MYO18A: variants seen among roughly 807,000 people sequenced by gnomAD.
MYO18A encodes the protein myosin XVIIIA.
Under a neutral mutation model 235.8 loss-of-function variants are expected in MYO18A, and 78 were observed. The ratio of observed to expected loss-of-function variants is 0.33; its 90% CI spans 0.28 to 0.40. The LOEUF (loss-of-function observed/expected upper bound fraction) is 0.40, where lower values mean the gene tolerates loss of function less well. MYO18A is among the 10% of genes least tolerant of loss of function. The pLI, the probability that MYO18A is intolerant of heterozygous loss-of-function variation, is 1.00. For missense variants in MYO18A, 2,215 were observed against 2,699.3 expected, an observed-to-expected ratio of 0.82 and a Z score of 3.98; for synonymous variants, 977 against 1,077.8, an observed-to-expected ratio of 0.91 and a Z score of 1.83.
Position 29,117,111 on chromosome 17 carries a change from G to A in MYO18A, c.2039-656C>T, listed in dbSNP as rs1250780005. 6.6e-6 allele frequency among the ~76,000 whole-genome samples: 1 copy of A among 152,074 alleles called. No individual in the cohort carries two copies. The highest frequency in any genetic ancestry group is 2.4e-5 in the African/African-American group (1 of 41,420). On this transcript the variant is annotated intron_variant, in intron 10 of 41. Coordinates refer to ENST00000527372, the MANE Select transcript of MYO18A (RefSeq NM_078471.4). This position sits in a 1 kb window ranked among gnomAD's most constrained non-coding sequence, Gnocchi z 4.6. ...GCCTGGGGCCCTTCACATCCCAGAA[G>A]GGGCCAAAGCCAAAGCCCAAGGTGC...
chr17:29,097,681 G>T lies in MYO18A; in HGVS notation c.4102+107C>A, dbSNP rs762868833. 8.2e-4 allele frequency: 779 copies of T among 946,800 alleles called. 2 individuals are homozygous for T. Among genetic ancestry groups the T allele is most frequent in the Middle Eastern group, 2.5e-3 (11 of 4,460 alleles). 58.6% of individuals were successfully genotyped at this position (946,800 alleles called of 1,614,324 possible). A position where few individuals can be genotyped will look rare whatever the true frequency, so the allele number is the denominator to read the frequency against. On this transcript the variant is annotated intron_variant, in intron 26 of 41. Transcript: ENST00000527372. ...CTTCTCATCTGTTTCTTTCAGTTTA[G>T]CCCCATGGAGGGGAGACAGGCCTGG... is the stretch of plus-strand genomic sequence containing the variant.
chr17:29,094,589 C>T (rs1210473571), intron 30 of MYO18A, 61 bp downstream of exon 30: 1 of 1,554,826 alleles, frequency 6.4e-7, no homozygotes, highest in East Asian at 2.2e-5. Flanking sequence ...CTGAGGCTGG[C>T]TGTGGGGATG....
Position 29,111,972 on chromosome 17 carries a change from T to C in MYO18A, c.2599-109A>G, listed in dbSNP as rs1409747871. 2.2e-6 allele frequency: 3 copies of C among 1,355,762 alleles called. No homozygotes were observed. Among genetic ancestry groups the C allele is most frequent in the Admixed American group, 2.3e-5 (1 of 43,614 alleles). 84.0% of individuals were successfully genotyped at this position (1,355,762 alleles called of 1,614,324 possible). On this transcript the variant is annotated intron_variant, in intron 15 of 41. Transcript: ENST00000527372. The surrounding 1 kb of genome is among the most constrained non-coding windows in gnomAD (Gnocchi z 5.1). Reference sequence around the variant, plus strand: ...ACAGAATGCTACACATGTGCACACATGCACACACGCACATGCCGCAGCTCC... The same window carrying C: ...ACAGAATGCTACACATGTGCACACACGCACACACGCACATGCCGCAGCTCC...
Position 29,094,653 on chromosome 17 carries a change from T to G in MYO18A, c.4707A>C (p.Glu1569Asp). ...CCTTGGCCAAGCCCTCCTGTACCTG[T>G]TCCAGCATCTGGATGGTCCCTGCCT... ...DEQAGTIQML[E>D]QAKLRLEMEM... The change falls in exon 30 of 42, where the codon GAA (glutamate) becomes GAC (aspartate). Residue 1569 changes from glutamate to aspartate, a missense_variant. Glu to Asp is a conservative substitution (Grantham distance 45). Coordinates refer to ENST00000527372, the MANE Select transcript of MYO18A (RefSeq NM_078471.4). The G allele has an allele frequency of 6.2e-7, 1 of 1,614,050 alleles. No homozygotes were observed. The highest frequency in any genetic ancestry group is 8.5e-7 in the Non-Finnish European group (1 of 1,179,894).
intron 20 of MYO18A, 97 bp from the exon 21 acceptor site, chr17:29,103,761 G>A: frequency 8.3e-7 from 1 of 1,197,780 alleles, no homozygotes; most frequent in East Asian, 2.4e-5. Flanking sequence ...CCTCCTCCTA[G>A]ACAGTCTGTT....
chr17:29,163,508 A>G (rs578158363), intron 2 of MYO18A, among the ~76,000 whole-genome samples: 1 of 152,334 alleles, frequency 6.6e-6, no homozygotes, highest in Admixed American at 6.5e-5. Flanking sequence ...GGCTCGGGGA[A>G]GAAGTCCTCT....
intron 41 of MYO18A, chr17:29,080,115 G>C: frequency 1.0e-6 from 1 of 985,968 alleles, no homozygotes; most frequent in Non-Finnish European, 1.2e-6. Context: ...CAGCAGCAGA[G>C]GCGGAGCGGC....
chr17:29,146,409 CAAGT>C (rs2067850787), intron 2 of MYO18A, among the ~76,000 whole-genome samples: 1 of 152,198 alleles, frequency 6.6e-6, no homozygotes, highest in African/African-American at 2.4e-5. Flanking sequence ...TCAAATCAAG[CAAGT>C]GTGTGCTGTA....
In MYO18A at chr17:29,106,997, G is replaced by C. The variant is rs867760998; in HGVS notation, c.3441+83C>G. The C allele has an allele frequency of 7.5e-7, 1 of 1,332,162 alleles. No homozygotes were observed. The allele number at this position is 1,332,162 out of a possible 1,614,324, so 82.5% of individuals were successfully genotyped here. A position where few individuals can be genotyped will look rare whatever the true frequency, so the allele number is the denominator to read the frequency against. Reference sequence around the variant, plus strand: ...CAGGGCCAGATGAGCTGTCTCCAGGGAAGGGAAGGCAGATGAGTCTGGAAA... The same window carrying C: ...CAGGGCCAGATGAGCTGTCTCCAGGCAAGGGAAGGCAGATGAGTCTGGAAA... On this transcript the variant is annotated intron_variant, in intron 20 of 41. Transcript: ENST00000527372. This position sits in a 1 kb window ranked among gnomAD's most constrained non-coding sequence, Gnocchi z 4.6.
chr17:29,144,539 C>T (rs990450809), intron 2 of MYO18A, among the ~76,000 whole-genome samples: 1 of 152,222 alleles, frequency 6.6e-6, no homozygotes, highest in African/African-American at 2.4e-5. Flanking sequence ...TTCTTGCTGT[C>T]TGACCTAAGG....
intron 34 of MYO18A, among the ~76,000 whole-genome samples, chr17:29,092,077 C>T (rs142287132): frequency 6.6e-6 from 1 of 152,212 alleles, no homozygotes; most frequent in Non-Finnish European, 1.5e-5. Flanking sequence ...TTGGGGCCTG[C>T]GGCCAAGCTC....
In MYO18A at chr17:29,111,971, A is replaced by ATG; in HGVS notation, c.2599-110_2599-109dup. The stretch of plus-strand genomic sequence containing the variant: ...TACAGAATGCTACACATGTGCACAC[A>ATG]TGCACACACGCACATGCCGCAGCTC... On this transcript the variant is annotated intron_variant, in intron 15 of 41. Coordinates refer to ENST00000527372, the MANE Select transcript of MYO18A (RefSeq NM_078471.4). The surrounding 1 kb of genome is among the most constrained non-coding windows in gnomAD (Gnocchi z 5.1). The ATG allele has an allele frequency of 7.4e-7, 1 of 1,345,242 alleles. No homozygotes were observed. Among genetic ancestry groups the ATG allele is most frequent in the Non-Finnish European group, 1.0e-6 (1 of 987,978 alleles). 83.3% of individuals were successfully genotyped at this position (1,345,242 alleles called of 1,614,324 possible). A position where few individuals can be genotyped will look rare whatever the true frequency, so the allele number is the denominator to read the frequency against.
At chr17:29,112,010 C>T (rs1598322563) in intron 15 of MYO18A, 147 bp from the exon 16 acceptor site, 1 of 1,071,734 alleles carries the variant, frequency 9.3e-7, no homozygotes, top group Non-Finnish European at 1.3e-6. Flanking sequence ...CCGCTCACTG[C>T]TGACACCTTG....
chr17:29,154,121 T>TGTGTGTGTGTGTGTGTGCGC (rs142430455), intron 2 of MYO18A, among the ~76,000 whole-genome samples: 60 of 149,104 alleles, frequency 4.0e-4, no homozygotes, highest in Middle Eastern at 3.4e-3. Flanking sequence ...TGTGTGTGTG[T>TGTGTGTGTGTGTGTGTGCGC]GCGCGCGCGT....
intron 23 of MYO18A, 131 bp downstream of exon 23, chr17:29,098,695 T>G (rs974103507): frequency 1.5e-6 from 2 of 1,299,472 alleles, no homozygotes; most frequent in African/African-American, 3.0e-5. Context: ...CAGAGGGACA[T>G]CTTCTATTTG....
At chr17:29,127,528 G>C (rs2067351273) in intron 2 of MYO18A, among the ~76,000 whole-genome samples, 1 of 152,214 alleles carries the variant, frequency 6.6e-6, no homozygotes, top group Non-Finnish European at 1.5e-5. Context: ...GATCTGCTGA[G>C]ACTCTGATCC....
intron 1 of MYO18A, among the ~76,000 whole-genome samples, chr17:29,172,606 G>A (rs1431586022): frequency 6.6e-6 from 1 of 152,080 alleles, no homozygotes; most frequent in Non-Finnish European, 1.5e-5. Flanking sequence ...CCTAAGGTGG[G>A]GGAATTAAAT....
At chr17:29,086,794 G>A in intron 38 of MYO18A, 142 bp downstream of exon 38, 1 of 1,181,384 alleles carries the variant, frequency 8.5e-7, no homozygotes, top group South Asian at 1.6e-5. Context: ...CTGCCCTCTT[G>A]ATATGCTCCT....
chr17:29,086,792 T>G (rs1598276377), intron 38 of MYO18A, 144 bp downstream of exon 38: 1 of 1,180,170 alleles, frequency 8.5e-7, no homozygotes, highest in Non-Finnish European at 1.2e-6. Flanking sequence ...GCCTGCCCTC[T>G]TGATATGCTC....
Sources: gnomAD v4.1 joint callset for allele counts (sites outside exome capture counted in the v4.1 genomes callset) on GRCh38, gnomAD v4.1.1 for gene constraint, Gnocchi (gnomAD v3.1) non-coding constraint, MANE v1.5 for transcripts, NCBI Gene and HGNC (gene_info 2026-07-23, HGNC 2026-07-21) for gene names.